The following CDIN1 variants were observed in gnomAD, a reference collection of about 807,000 sequenced individuals.
The protein encoded by CDIN1 is CDAN1 interacting nuclease 1.
A neutral mutation model predicts 45.3 loss-of-function variants in CDIN1; 33 were observed. The observed-to-expected ratio is 0.73, with a 90% CI of 0.55 to 0.97. The LOEUF (loss-of-function observed/expected upper bound fraction) is 0.97. Among genes scored for constraint, CDIN1 ranks in the 50% least tolerant of loss-of-function variants. CDIN1 has a pLI of 0.00. For synonymous variants in CDIN1, 118 were observed against 124.4 expected, an observed-to-expected ratio of 0.95 and a Z score of 0.34; for missense variants, 303 against 339.4, an observed-to-expected ratio of 0.89 and a Z score of 0.84.
intron 8 of CDIN1, among the ~76,000 whole-genome samples, chr15:36,703,219 A>AATATATATATATATCAGATATATATAT (rs2042709762): frequency 1.7e-5 from 1 of 57,364 alleles, no homozygotes; most frequent in Non-Finnish European, 3.4e-5. Flanking sequence ...CCCTGTCTCA[A>AATATATATATATATCAGATATATATAT]ATATATATAT....
intron 10 of CDIN1, among the ~76,000 whole-genome samples, chr15:36,731,587 C>T (rs929368265): frequency 4.6e-5 from 7 of 152,150 alleles, no homozygotes; most frequent in Non-Finnish European, 1.0e-4. Flanking sequence ...TCTTTCCTAA[C>T]ACTTGTAATT....
rs556086547 is a variant in CDIN1 at position 36,735,824 on chromosome 15, T to C, written c.716+25863T>C. On this transcript the variant is annotated intron_variant, in intron 10 of 10. Coordinates refer to ENST00000566621, the MANE Select transcript of CDIN1 (RefSeq NM_001321759.2). ...GGGATTAATTATATTTGAGTTTAAT[T>C]TCCCAGCACTTAATATTAATTCATT... Among the ~76,000 whole-genome samples, 101 of 152,330 alleles carry C rather than the reference T, an allele frequency of 6.6e-4. 1 individual carries two copies. Among genetic ancestry groups the C allele is most frequent in the Non-Finnish European group, 1.2e-3 (82 of 68,024 alleles).
intron 10 of CDIN1, among the ~76,000 whole-genome samples, chr15:36,806,588 G>T (rs1049728280): frequency 1.3e-5 from 2 of 152,136 alleles, no homozygotes; most frequent in Admixed American, 1.3e-4. Context: ...GATCTGTCAA[G>T]GCCGTGACTC....
At chr15:36,638,714 A>T (rs2039996167) in intron 1 of CDIN1, among the ~76,000 whole-genome samples, 1 of 152,226 alleles carries the variant, frequency 6.6e-6, no homozygotes, top group Non-Finnish European at 1.5e-5. Context: ...TTGATTTCTT[A>T]AAAAGGAAAT....
chr15:36,641,643 A>G (rs903113334), intron 1 of CDIN1: 2 of 152,246 alleles, frequency 1.3e-5, no homozygotes, highest in African/African-American at 4.8e-5. Flanking sequence ...TAAGTGATAT[A>G]AAGTGTAAAG....
chr15:36,695,075 T>G (rs1038479788), intron 7 of CDIN1, among the ~76,000 whole-genome samples: 10 of 152,222 alleles, frequency 6.6e-5, no homozygotes, highest in African/African-American at 2.4e-4. Flanking sequence ...AAGGGACAAC[T>G]GGAGGAAAAG....
chr15:36,786,971 C>T (rs2054507520), intron 10 of CDIN1, among the ~76,000 whole-genome samples: 2 of 152,134 alleles, frequency 1.3e-5, no homozygotes, highest in Non-Finnish European at 2.9e-5. Flanking sequence ...GTTCCTTCTC[C>T]TCCACCTGCC....
chr15:36,742,675 C>G (rs1157609178), intron 10 of CDIN1, among the ~76,000 whole-genome samples: 1 of 152,134 alleles, frequency 6.6e-6, no homozygotes, highest in African/African-American at 2.4e-5. Flanking sequence ...ATAAGTATTT[C>G]CAGATGCAGG....
chr15:36,599,782 A>T (rs1193655141), intron 1 of CDIN1, among the ~76,000 whole-genome samples: 1 of 152,200 alleles, frequency 6.6e-6, no homozygotes, highest in Non-Finnish European at 1.5e-5. Flanking sequence ...AGGGCTCCTC[A>T]GCTGTGCAGT....
At chr15:36,598,217 C>G (rs1026477559) in intron 1 of CDIN1, among the ~76,000 whole-genome samples, 2 of 152,132 alleles carry the variant, frequency 1.3e-5, no homozygotes, top group Non-Finnish European at 2.9e-5. Context: ...CTCTTGAACT[C>G]CTGTACTCAA....
chr15:36,798,045 AAAT>A (rs1338725685), intron 10 of CDIN1, among the ~76,000 whole-genome samples: 11 of 151,606 alleles, frequency 7.3e-5, no homozygotes, highest in African/African-American at 1.9e-4. Flanking sequence ...AAAAAAAAAA[AAAT>A]TATTTTCCAA....
At chr15:36,623,049 C>A (rs772644230) in intron 1 of CDIN1, among the ~76,000 whole-genome samples, 7 of 152,142 alleles carry the variant, frequency 4.6e-5, no homozygotes, top group Non-Finnish European at 8.8e-5. Flanking sequence ...AGCTGTGGTT[C>A]TATAAAATTT....
intron 3 of CDIN1, 33 bp downstream of exon 3, chr15:36,645,320 T>G (rs1326723300): frequency 5.6e-6 from 8 of 1,431,416 alleles, no homozygotes; most frequent in Non-Finnish European, 7.6e-6. Context: ...GAGGGTATCA[T>G]AGTACCTATT....
intron 10 of CDIN1, among the ~76,000 whole-genome samples, chr15:36,768,520 G>A (rs557674526): frequency 1.8e-4 from 26 of 144,282 alleles, no homozygotes; most frequent in East Asian, 6.4e-4. Context: ...TCAACTTCTC[G>A]CCTCTGGCCA....
At chr15:36,785,007 T>G (rs2054453737) in intron 10 of CDIN1, among the ~76,000 whole-genome samples, 1 of 152,158 alleles carries the variant, frequency 6.6e-6, no homozygotes, top group South Asian at 2.1e-4. Context: ...ATGGGTTATC[T>G]TTCTGAATTA....
At chr15:36,603,215 T>TC (rs144620263) in intron 1 of CDIN1, among the ~76,000 whole-genome samples, 34,945 of 152,140 alleles carry the variant, frequency 0.23, 4,347 homozygotes, top group Admixed American at 0.34. Context: ...TTCTCTGTGC[T>TC]CCCCAAATGT....
chr15:36,747,027 G>A, intron 10 of CDIN1: 1 of 398,154 alleles, frequency 2.5e-6, no homozygotes, highest in Non-Finnish European at 4.4e-6. Context: ...GGAATTACAG[G>A]AGCGAGGAAA....
intron 10 of CDIN1, among the ~76,000 whole-genome samples, chr15:36,792,857 G>A (rs1011936468): frequency 2.0e-5 from 3 of 152,114 alleles, no homozygotes; most frequent in Admixed American, 2.0e-4. Flanking sequence ...AAGCACCTTG[G>A]TCTGCTATAC....
intron 5 of CDIN1, among the ~76,000 whole-genome samples, chr15:36,676,536 A>G (rs2041656457): frequency 6.6e-6 from 1 of 152,216 alleles, no homozygotes; most frequent in South Asian, 2.1e-4. Context: ...ATTGAATAAT[A>G]CAGACTTGGT....
Sources: gnomAD v4.1 joint callset for allele counts (sites outside exome capture counted in the v4.1 genomes callset) on GRCh38, gnomAD v4.1.1 for gene constraint, MANE v1.5 for transcripts, NCBI Gene and HGNC (gene_info 2026-07-23, HGNC 2026-07-21) for gene names.